Variants in MACROD2 observed in about 807,000 individuals in gnomAD.
The protein encoded by MACROD2 is ADP-ribose glycohydrolase MACROD2.
A neutral mutation model predicts 70.4 loss-of-function variants in MACROD2; 36 were observed. That is an observed-to-expected ratio of 0.51 (90% CI 0.39 to 0.68). The LOEUF is 0.68. Among genes scored for constraint, MACROD2 ranks in the 30% least tolerant of loss-of-function variants. The pLI is 0.00. For missense variants in MACROD2, 496 were observed against 538.4 expected, an observed-to-expected ratio of 0.92 and a Z score of 0.78; for synonymous variants, 172 against 178.8, an observed-to-expected ratio of 0.96 and a Z score of 0.30.
chr20:14,471,583 T>C (rs1287236319), intron 3 of MACROD2, among the ~76,000 whole-genome samples: 1 of 152,218 alleles, frequency 6.6e-6, no homozygotes. Context: ...ACTGTTATCA[T>C]GAATTATGGT....
intron 5 of MACROD2, among the ~76,000 whole-genome samples, chr20:14,711,067 C>A (rs1816199708): frequency 6.6e-6 from 1 of 152,100 alleles, no homozygotes; most frequent in Non-Finnish European, 1.5e-5. Flanking sequence ...TTTATCTTTT[C>A]CTGAATCATA....
At chr20:15,617,593 A>G (rs1346613281) in intron 8 of MACROD2, among the ~76,000 whole-genome samples, 3 of 152,204 alleles carry the variant, frequency 2.0e-5, no homozygotes, top group Admixed American at 1.3e-4. Context: ...GAAAATGCAA[A>G]GTATACACAT....
chr20:14,402,382 T>A (rs2083646937), intron 3 of MACROD2, among the ~76,000 whole-genome samples: 1 of 152,222 alleles, frequency 6.6e-6, no homozygotes, highest in African/African-American at 2.4e-5. Context: ...ATTCTTGCCT[T>A]TTCATGATCT....
intron 15 of MACROD2, among the ~76,000 whole-genome samples, chr20:16,015,897 T>C (rs1044151687): frequency 6.6e-6 from 1 of 152,218 alleles, no homozygotes; most frequent in African/African-American, 2.4e-5. Context: ...TCTTTGTTCT[T>C]ATTGATTTAT....
chr20:14,273,691 T>G (rs939061051), intron 3 of MACROD2, among the ~76,000 whole-genome samples: 3 of 151,808 alleles, frequency 2.0e-5, no homozygotes, highest in African/African-American at 7.3e-5. Context: ...CTTCAAAAAA[T>G]TAATGAATTC....
intron 7 of MACROD2, among the ~76,000 whole-genome samples, chr20:15,432,061 TTA>T (rs1222921024): frequency 6.6e-6 from 1 of 152,028 alleles, no homozygotes; most frequent in Non-Finnish European, 1.5e-5. Flanking sequence ...AAGAACTTTT[TTA>T]TACTTTTTTT....
At chr20:15,379,471 T>G (rs1600321351) in intron 6 of MACROD2, among the ~76,000 whole-genome samples, 1 of 152,096 alleles carries the variant, frequency 6.6e-6, no homozygotes, top group African/African-American at 2.4e-5. Context: ...TGTTTTTTTT[T>G]TCCACCGAAA....
chr20:15,265,918 T>G (rs1312690993), intron 6 of MACROD2, among the ~76,000 whole-genome samples: 2 of 152,250 alleles, frequency 1.3e-5, no homozygotes, highest in Non-Finnish European at 2.9e-5. Flanking sequence ...ATAAATCAGC[T>G]AACAAAATGT....
chr20:15,266,312 G>C (rs1468567744), intron 6 of MACROD2, among the ~76,000 whole-genome samples: 3 of 152,150 alleles, frequency 2.0e-5, no homozygotes, highest in Non-Finnish European at 4.4e-5. Flanking sequence ...TTCAGATTTT[G>C]AGGACAGCAC....
intron 3 of MACROD2, among the ~76,000 whole-genome samples, chr20:14,129,748 CA>C (rs542722430): frequency 1.3e-4 from 20 of 152,318 alleles, no homozygotes; most frequent in African/African-American, 4.8e-4. Context: ...CAGTAGCCAT[CA>C]ACATCAAGCC....
At chr20:14,788,691 A>T (rs966915694) in intron 5 of MACROD2, among the ~76,000 whole-genome samples, 1 of 150,206 alleles carries the variant, frequency 6.7e-6, no homozygotes, top group Non-Finnish European at 1.5e-5. Flanking sequence ...ACCCTGGAAG[A>T]TAGTGGACCA....
At chr20:15,823,337 C>G (rs906099899) in intron 8 of MACROD2, among the ~76,000 whole-genome samples, 1 of 143,156 alleles carries the variant, frequency 7.0e-6, no homozygotes, top group Non-Finnish European at 1.5e-5. Flanking sequence ...GCTGTCTATG[C>G]GAAGCAAATC....
chr20:14,357,801 G>T (rs2083187053), intron 3 of MACROD2, among the ~76,000 whole-genome samples: 1 of 152,166 alleles, frequency 6.6e-6, no homozygotes, highest in Non-Finnish European at 1.5e-5. Flanking sequence ...ATAAATTTTT[G>T]ACTACATTTG....
At chr20:15,294,120 TAAAA>T (rs10644931) in intron 6 of MACROD2, among the ~76,000 whole-genome samples, 4 of 118,350 alleles carry the variant, frequency 3.4e-5, no homozygotes, top group African/African-American at 9.6e-5. Flanking sequence ...AAACTCTGTC[TAAAA>T]AAAAAAAAAA....
intron 8 of MACROD2, among the ~76,000 whole-genome samples, chr20:15,673,904 G>A (rs970079031): frequency 2.0e-4 from 31 of 152,148 alleles, no homozygotes; most frequent in Admixed American, 5.2e-4. Context: ...TATTGGGTAT[G>A]AGAAATGTGG....
intron 6 of MACROD2, among the ~76,000 whole-genome samples, chr20:15,335,839 A>G (rs1483849698): frequency 6.6e-6 from 1 of 151,692 alleles, no homozygotes; most frequent in African/African-American, 2.4e-5. Context: ...AAGCCCAAAC[A>G]GTACAATTGT....
intron 3 of MACROD2, among the ~76,000 whole-genome samples, chr20:14,342,442 TTTTTCTGTCAACAG>T (rs1186280659): frequency 2.6e-5 from 4 of 152,194 alleles, no homozygotes; most frequent in Non-Finnish European, 5.9e-5. Flanking sequence ...CTAGCCCAGA[TTTTTCTGTCAACAG>T]GTAGTGATGC....
At chr20:14,804,877 T>TTGTGTGTGTG (rs929473471) in intron 5 of MACROD2, among the ~76,000 whole-genome samples, 8 of 148,022 alleles carry the variant, frequency 5.4e-5, no homozygotes, top group African/African-American at 1.7e-4. Flanking sequence ...GTGTGTGCTT[T>TTGTGTGTGTG]TGTGTGTGTG....
intron 5 of MACROD2, chr20:15,196,874 T>A (rs199306): frequency 0.17 from 167,933 of 983,794 alleles, 15,190 homozygotes; most frequent in African/African-American, 0.31. Context: ...GAGAAGCAGA[T>A]GACAGGCTCA....
Sources: gnomAD v4.1 joint callset for allele counts (sites outside exome capture counted in the v4.1 genomes callset) on GRCh38, gnomAD v4.1.1 for gene constraint, MANE v1.5 for transcripts, NCBI Gene and HGNC (gene_info 2026-07-23, HGNC 2026-07-21) for gene names.